Variants in FCHSD2 observed in about 807,000 individuals in gnomAD.
The protein encoded by FCHSD2 is FCH and double SH3 domains 2.
Under a neutral mutation model 108.1 loss-of-function variants are expected in FCHSD2, and 38 were observed. The observed-to-expected ratio is 0.35, with a 90% CI of 0.27 to 0.46. The LOEUF (loss-of-function observed/expected upper bound fraction) is 0.46, where lower values mean the gene tolerates loss of function less well. Among genes scored for constraint, FCHSD2 ranks in the 20% least tolerant of loss-of-function variants. FCHSD2 has a pLI of 1.00. For synonymous variants in FCHSD2, 279 were observed against 314.7 expected (o/e 0.89, Z 1.20); for missense variants, 751 against 897.8 (o/e 0.84, Z 2.09).
intron 3 of FCHSD2, among the ~76,000 whole-genome samples, chr11:73,067,947 C>T (rs948417846): frequency 6.6e-6 from 1 of 152,128 alleles, no homozygotes; most frequent in African/African-American, 2.4e-5. Context: ...GCCTCACAAT[C>T]ATGGCAGAAG....
chr11:72,985,049 A>C lies in FCHSD2; in HGVS notation c.576+13T>G. On this transcript the variant is annotated intron_variant, in intron 7 of 19. Coordinates refer to ENST00000409418, the MANE Select transcript of FCHSD2 (RefSeq NM_014824.3). ...GGTTTCTCAGTTGTGAAATACACTT[A>C]TTGAAAACTTACCTTTACACTTGCC... The C allele has an allele frequency of 8.7e-7, 1 of 1,143,258 alleles. No individual in the cohort carries two copies. The highest frequency in any genetic ancestry group is 1.3e-6 in the Non-Finnish European group (1 of 778,156). The allele number at this position is 1,143,258 out of a possible 1,614,324, so 70.8% of individuals were successfully genotyped here.
intron 8 of FCHSD2, among the ~76,000 whole-genome samples, chr11:72,934,268 C>T (rs1856255998): frequency 2.0e-5 from 3 of 151,442 alleles, no homozygotes; most frequent in Admixed American, 2.0e-4. Flanking sequence ...GTTCTTTACA[C>T]TTGTTTAAGT....
intron 3 of FCHSD2, among the ~76,000 whole-genome samples, chr11:73,054,493 A>G (rs1858975987): frequency 6.6e-6 from 1 of 152,096 alleles, no homozygotes; most frequent in African/African-American, 2.4e-5. Flanking sequence ...ATTCCTGTCT[A>G]TTTTGGATTT....
chr11:72,871,753 AT>A (rs35295400), intron 12 of FCHSD2, among the ~76,000 whole-genome samples: 129,648 of 132,954 alleles, frequency 0.98, 63,262 homozygotes, highest in South Asian at 0.99. Context: ...TTGGTACATA[AT>A]TTTTTTTTTT....
At chr11:73,103,735 G>C (rs1200882842) in intron 2 of FCHSD2, among the ~76,000 whole-genome samples, 9 of 152,120 alleles carry the variant, frequency 5.9e-5, no homozygotes, top group African/African-American at 1.7e-4. Context: ...AAAAAGAAAA[G>C]AGGATTATCA....
At chr11:72,911,658 ATTCC>A (rs1176551242) in intron 9 of FCHSD2, among the ~76,000 whole-genome samples, 1 of 149,918 alleles carries the variant, frequency 6.7e-6, no homozygotes, top group African/African-American at 2.4e-5. Context: ...TCTTCAATTT[ATTCC>A]TTCCTTCCTT....
At chr11:72,871,019 A>G (rs1031079444) in intron 12 of FCHSD2, among the ~76,000 whole-genome samples, 3 of 152,096 alleles carry the variant, frequency 2.0e-5, no homozygotes, top group Admixed American at 6.5e-5. Flanking sequence ...TGTGGCTGGC[A>G]GAAATAGCAG....
At chr11:72,903,471 G>A (rs545072411) in intron 9 of FCHSD2, among the ~76,000 whole-genome samples, 25 of 152,132 alleles carry the variant, frequency 1.6e-4, no homozygotes, top group East Asian at 3.9e-4. Flanking sequence ...CACCGGCCTC[G>A]GCCTCCTAAA....
chr11:72,952,329 CT>C (rs571298552), intron 8 of FCHSD2, among the ~76,000 whole-genome samples: 264 of 144,510 alleles, frequency 1.8e-3, no homozygotes, highest in Admixed American at 1.7e-3. Context: ...GTTTGACTAT[CT>C]TTTTTTTTTT....
intron 8 of FCHSD2, among the ~76,000 whole-genome samples, chr11:72,956,634 A>G (rs1427494529): frequency 6.6e-6 from 1 of 152,170 alleles, no homozygotes; most frequent in African/African-American, 2.4e-5. Context: ...TGGCTTCTCA[A>G]GTGGTGGAAA....
At chr11:72,949,315 TG>T (rs1331477772) in intron 8 of FCHSD2, among the ~76,000 whole-genome samples, 1 of 151,902 alleles carries the variant, frequency 6.6e-6, no homozygotes, top group Non-Finnish European at 1.5e-5. Flanking sequence ...CTGGGCGTGG[TG>T]GTGGGTGCCT....
At chr11:72,949,306 T>G (rs1856578982) in intron 8 of FCHSD2, among the ~76,000 whole-genome samples, 1 of 151,734 alleles carries the variant, frequency 6.6e-6, no homozygotes, top group Admixed American at 6.6e-5. Flanking sequence ...AAAAATTAGC[T>G]GGGCGTGGTG....
intron 8 of FCHSD2, among the ~76,000 whole-genome samples, chr11:72,941,282 T>C (rs1369891065): frequency 6.6e-5 from 10 of 152,148 alleles, no homozygotes; most frequent in Non-Finnish European, 1.2e-4. Flanking sequence ...AAATATTTGT[T>C]AAATTATGAA....
chr11:73,030,420 C>T (rs543220395), intron 3 of FCHSD2, among the ~76,000 whole-genome samples: 5 of 152,242 alleles, frequency 3.3e-5, no homozygotes, highest in East Asian at 1.9e-4. Flanking sequence ...ATTTACCATA[C>T]ATAAATGTAT....
At chr11:72,884,456 G>A (rs76760498) in intron 12 of FCHSD2, among the ~76,000 whole-genome samples, 3,637 of 149,630 alleles carry the variant, frequency 0.024, 146 homozygotes, top group African/African-American at 0.085. Context: ...ATATAAATTT[G>A]GAAATAATGT....
intron 3 of FCHSD2, among the ~76,000 whole-genome samples, chr11:73,026,856 C>T (rs370751936): frequency 6.6e-6 from 1 of 152,152 alleles, no homozygotes; most frequent in Non-Finnish European, 1.5e-5. Flanking sequence ...CCCCTTTGCT[C>T]GCTCTCTCTC....
At chr11:72,874,474 G>A (rs1188060310) in intron 12 of FCHSD2, among the ~76,000 whole-genome samples, 1 of 152,226 alleles carries the variant, frequency 6.6e-6, no homozygotes, top group Non-Finnish European at 1.5e-5. Flanking sequence ...ACAGGTGCGA[G>A]CCACTGTGCC....
intron 2 of FCHSD2, among the ~76,000 whole-genome samples, chr11:73,134,325 C>T (rs894526952): frequency 1.3e-5 from 2 of 152,052 alleles, no homozygotes; most frequent in African/African-American, 4.8e-5. Context: ...ACAAAATTAG[C>T]CAGGCATGGT....
intron 2 of FCHSD2, among the ~76,000 whole-genome samples, chr11:73,088,537 T>G (rs1418564727): frequency 6.6e-6 from 1 of 152,152 alleles, no homozygotes; most frequent in Non-Finnish European, 1.5e-5. Flanking sequence ...ATAGGCTTCC[T>G]TTACTTTCTT....
Sources: gnomAD v4.1 joint callset for allele counts (sites outside exome capture counted in the v4.1 genomes callset) on GRCh38, gnomAD v4.1.1 for gene constraint, MANE v1.5 for transcripts, NCBI Gene and HGNC (gene_info 2026-07-23, HGNC 2026-07-21) for gene names.